The following EXOC4 variants were observed in gnomAD, a reference collection of about 807,000 sequenced individuals.
EXOC4 encodes exocyst complex component 4, also known as SEC8-like 1.
EXOC4 carries 71 observed loss-of-function variants against 107.2 expected under a neutral mutation model. That is an observed-to-expected ratio of 0.66 (90% CI 0.55 to 0.81). The LOEUF (loss-of-function observed/expected upper bound fraction) is 0.81. Among genes scored for constraint, EXOC4 ranks in the 30% least tolerant of loss-of-function variants. EXOC4 has a pLI of 0.00. For synonymous variants in EXOC4, 456 were observed against 441.2 expected (o/e 1.03, Z -0.42); for missense variants, 1,108 against 1,189.6 (o/e 0.93, Z 1.01).
At chr7:133,695,265 C>A (rs1358148032) in intron 10 of EXOC4, among the ~76,000 whole-genome samples, 1 of 151,886 alleles carries the variant, frequency 6.6e-6, no homozygotes, top group Non-Finnish European at 1.5e-5. Flanking sequence ...AACATAACGA[C>A]TTGCAGTTCT....
At chr7:133,647,763 C>T (rs1430679786) in intron 10 of EXOC4, among the ~76,000 whole-genome samples, 5 of 152,138 alleles carry the variant, frequency 3.3e-5, no homozygotes, top group African/African-American at 4.8e-5. Context: ...TGATAATCCA[C>T]AGTCAAACAG....
chr7:133,665,750 C>T (rs1434415884), intron 10 of EXOC4, among the ~76,000 whole-genome samples: 1 of 152,054 alleles, frequency 6.6e-6, no homozygotes, highest in Non-Finnish European at 1.5e-5. Flanking sequence ...AATATAAAAC[C>T]CTGGTATGAC....
the EXOC4 span, among the ~76,000 whole-genome samples, chr7:134,097,534 C>T: frequency 6.6e-6 from 1 of 152,160 alleles, no homozygotes; most frequent in Non-Finnish European, 1.5e-5. Flanking sequence ...ACTTGGGAAG[C>T]ATTCTCCTTG....
intron 9 of EXOC4, among the ~76,000 whole-genome samples, chr7:133,519,172 T>G (rs537031946): frequency 6.6e-6 from 1 of 152,212 alleles, no homozygotes; most frequent in South Asian, 2.1e-4. Flanking sequence ...CCCAGCAATT[T>G]GGGAGGCTGA....
intron 10 of EXOC4, among the ~76,000 whole-genome samples, chr7:133,660,173 A>G (rs924500702): frequency 2.1e-4 from 10 of 47,558 alleles, no homozygotes; most frequent in African/African-American, 5.7e-4. Flanking sequence ...ATGTGTTTTC[A>G]TTAATTTTTT....
intron 9 of EXOC4, among the ~76,000 whole-genome samples, chr7:133,581,565 T>C (rs565464499): frequency 0.03 from 4,481 of 151,506 alleles, 100 homozygotes; most frequent in South Asian, 0.059. Context: ...GAGACCATCC[T>C]GGCTAACACG....
chr7:133,975,745 GCACA>G (rs57377025), intron 14 of EXOC4, among the ~76,000 whole-genome samples: 100,674 of 149,998 alleles, frequency 0.67, 33,927 homozygotes, highest in East Asian at 0.88. Flanking sequence ...AAATGCGTGT[GCACA>G]CACACACACA....
intron 10 of EXOC4, among the ~76,000 whole-genome samples, chr7:133,798,109 T>G (rs1796854289): frequency 6.6e-6 from 1 of 151,896 alleles, no homozygotes; most frequent in Admixed American, 6.6e-5. Flanking sequence ...CCAAGCAAAT[T>G]ATGAGTATTT....
intron 10 of EXOC4, among the ~76,000 whole-genome samples, chr7:133,800,034 TC>T (rs1796902087): frequency 6.7e-6 from 1 of 148,490 alleles, no homozygotes; most frequent in Admixed American, 6.7e-5. Flanking sequence ...CATCCATCCA[TC>T]CATCCACCCA....
Position 133,395,635 on chromosome 7 carries a change from T to A in EXOC4, c.1182+20633T>A, listed in dbSNP as rs140754919. On this transcript the variant is annotated intron_variant, in intron 7 of 17. Transcript: ENST00000253861. ...ATGTGATTCTGGAGGAAGTGAGTTT[T>A]ACTGCTCAGTAGAAAATTATATATA... is the stretch of plus-strand genomic sequence containing the variant. 6.3e-3 allele frequency among the ~76,000 whole-genome samples: 963 copies of A among 152,180 alleles called. 10 individuals carry two copies. Among genetic ancestry groups the A allele is most frequent in the African/African-American group, 0.022 (918 of 41,508 alleles).
intron 10 of EXOC4, among the ~76,000 whole-genome samples, chr7:133,647,151 C>G (rs1803013249): frequency 6.6e-6 from 1 of 152,236 alleles, no homozygotes; most frequent in Non-Finnish European, 1.5e-5. Flanking sequence ...TCCTACTTGT[C>G]CCTAGAAATA....
chr7:133,692,060 G>A (rs74611430), intron 10 of EXOC4, among the ~76,000 whole-genome samples: 3,867 of 152,226 alleles, frequency 0.025, 69 homozygotes, highest in Non-Finnish European at 0.038. Flanking sequence ...TTTGGAAGAC[G>A]TTCACTTCTC....
chr7:133,685,100 A>G (rs1353676031), intron 10 of EXOC4, among the ~76,000 whole-genome samples: 4 of 152,170 alleles, frequency 2.6e-5, no homozygotes, highest in Non-Finnish European at 4.4e-5. Flanking sequence ...ACAACCCCCA[A>G]TCATAGAAAT....
chr7:133,937,871 G>A lies in EXOC4; in HGVS notation c.2028-20G>A, dbSNP rs769159681. The A allele has an allele frequency of 1.2e-6, 2 of 1,613,802 alleles. No homozygotes were observed. Among genetic ancestry groups the A allele is most frequent in the Non-Finnish European group, 1.7e-6 (2 of 1,179,754 alleles). On this transcript the variant is annotated intron_variant, in intron 13 of 17. Coordinates refer to ENST00000253861, the MANE Select transcript of EXOC4 (RefSeq NM_021807.4). The stretch of plus-strand genomic sequence containing the variant: ...TTTCCATGCTGTATATATGAAGTGT[G>A]TTTCTGATTTGCTTTTCAGGGCAGC...
intron 5 of EXOC4, among the ~76,000 whole-genome samples, chr7:133,338,599 CAA>C (rs35420911): frequency 2.5e-5 from 2 of 79,726 alleles, no homozygotes; most frequent in Non-Finnish European, 4.6e-5. Context: ...GACTCCGTCT[CAA>C]AAAAAAAAAA....
intron 10 of EXOC4, among the ~76,000 whole-genome samples, chr7:133,760,087 G>T (rs536719237): frequency 9.2e-5 from 14 of 152,160 alleles, no homozygotes; most frequent in Non-Finnish European, 2.1e-4. Flanking sequence ...TAGGGGTGCT[G>T]TTGTGCTGCT....
At chr7:133,320,861 T>A (rs1795094347) in intron 5 of EXOC4, among the ~76,000 whole-genome samples, 1 of 152,180 alleles carries the variant, frequency 6.6e-6, no homozygotes, top group Non-Finnish European at 1.5e-5. Flanking sequence ...TGTTACTAAG[T>A]ACATATAAAA....
intron 17 of EXOC4, among the ~76,000 whole-genome samples, chr7:134,048,745 G>A (rs1332272289): frequency 3.3e-5 from 5 of 152,192 alleles, no homozygotes; most frequent in Non-Finnish European, 7.3e-5. Context: ...GTGAGAGCCT[G>A]ATGTGTTGTT....
intron 11 of EXOC4, among the ~76,000 whole-genome samples, chr7:133,829,472 C>G (rs535041521): frequency 6.6e-6 from 1 of 152,310 alleles, no homozygotes; most frequent in South Asian, 2.1e-4. Flanking sequence ...TTATGTGTTT[C>G]TCTCCAGACC....
Sources: gnomAD v4.1 joint callset for allele counts (sites outside exome capture counted in the v4.1 genomes callset) on GRCh38, gnomAD v4.1.1 for gene constraint, MANE v1.5 for transcripts, NCBI Gene and HGNC (gene_info 2026-07-23, HGNC 2026-07-21) for gene names.